GRK4: variants seen among roughly 807,000 people sequenced by gnomAD.
GRK4 encodes G protein-coupled receptor kinase 4.
In GRK4, 73 loss-of-function variants were observed where a neutral mutation model predicts 77.9. The observed-to-expected ratio is 0.94, with a 90% CI of 0.78 to 1.14. The LOEUF (loss-of-function observed/expected upper bound fraction) is 1.14, where lower values mean the gene tolerates loss of function less well. Ranked by LOEUF, GRK4 falls within the 50% of genes most tolerant of loss-of-function variation. The pLI is 0.00. For missense variants in GRK4, 729 were observed against 700.2 expected, an observed-to-expected ratio of 1.04 and a Z score of -0.46; for synonymous variants, 257 against 254.4, an observed-to-expected ratio of 1.01 and a Z score of -0.10.
At chr4:2,965,659 C>T (rs960098186) in intron 1 of GRK4, 2 of 583,202 alleles carry the variant, frequency 3.4e-6, no homozygotes, top group Admixed American at 6.0e-5. Context: ...GGGCAAAACA[C>T]AGCAAGACCA....
At chr4:3,012,822 CTT>C (rs1560454022) in intron 7 of GRK4, among the ~76,000 whole-genome samples, 1 of 152,048 alleles carries the variant, frequency 6.6e-6, no homozygotes, top group African/African-American at 2.4e-5. Context: ...TCCTTATACT[CTT>C]GACATTTTAA....
At chr4:2,987,048 T>C in intron 2 of GRK4, 1 of 479,164 alleles carries the variant, frequency 2.1e-6, no homozygotes, top group Non-Finnish European at 4.1e-6. Context: ...ATCACCACAG[T>C]CAATTTGACA....
At chr4:3,034,614 T>A (rs1258544483) in intron 12 of GRK4, among the ~76,000 whole-genome samples, 1 of 152,172 alleles carries the variant, frequency 6.6e-6, no homozygotes, top group Non-Finnish European at 1.5e-5. Flanking sequence ...TTTGTGATGA[T>A]GGTAAATATG....
chr4:3,002,815 T>G (rs1399565445), intron 4 of GRK4, among the ~76,000 whole-genome samples: 1 of 152,146 alleles, frequency 6.6e-6, no homozygotes, highest in East Asian at 1.9e-4. Flanking sequence ...GCCGAGATTT[T>G]CTGTCTCCAA....
chr4:3,023,773 A>G (rs962457218), intron 10 of GRK4, among the ~76,000 whole-genome samples: 3 of 152,184 alleles, frequency 2.0e-5, no homozygotes, highest in African/African-American at 7.2e-5. Context: ...GGGTAGGTAG[A>G]ACGTGCTCTG....
intron 4 of GRK4, among the ~76,000 whole-genome samples, chr4:3,003,878 C>T (rs1176623136): frequency 2.0e-5 from 3 of 152,062 alleles, no homozygotes; most frequent in Admixed American, 6.6e-5. Flanking sequence ...CTACCTACCA[C>T]GCCTGGCTAA....
At chr4:2,990,526 G>C (rs2109656924) in intron 3 of GRK4, among the ~76,000 whole-genome samples, 1 of 152,210 alleles carries the variant, frequency 6.6e-6, no homozygotes, top group East Asian at 1.9e-4. Context: ...CAAAGTGCTA[G>C]GATTACAGGC....
chr4:3,026,069 G>A (rs140094834), intron 10 of GRK4, among the ~76,000 whole-genome samples: 85 of 152,336 alleles, frequency 5.6e-4, no homozygotes, highest in Non-Finnish European at 1.1e-3. Flanking sequence ...TGCTGTTTCC[G>A]TTGGTGCCGC....
chr4:2,991,064 C>G (rs1161216001), intron 3 of GRK4, among the ~76,000 whole-genome samples: 2 of 152,182 alleles, frequency 1.3e-5, no homozygotes, highest in African/African-American at 4.8e-5. Flanking sequence ...AACCAGAGAA[C>G]TAGAACCCAT....
At chr4:3,021,467 C>T (rs1560475332) in intron 9 of GRK4, among the ~76,000 whole-genome samples, 1 of 152,150 alleles carries the variant, frequency 6.6e-6, no homozygotes, top group Non-Finnish European at 1.5e-5. Context: ...TCTGATGGAC[C>T]TTTGGCTTCT....
chr4:3,040,477 C>T, intron 15 of GRK4, 95 bp from the exon 16 acceptor site: 6 of 862,018 alleles, frequency 7.0e-6, no homozygotes, highest in Non-Finnish European at 1.1e-5. Flanking sequence ...AAAAAAGCAC[C>T]CCCCACCCAA....
intron 1 of GRK4, among the ~76,000 whole-genome samples, chr4:2,983,045 G>T (rs886711647): frequency 6.6e-6 from 1 of 152,352 alleles, no homozygotes; most frequent in African/African-American, 2.4e-5. Flanking sequence ...TGAGTCCAGA[G>T]CTCATGATCT....
In GRK4 at chr4:3,033,927, G is replaced by A. The variant is rs559660564; in HGVS notation, c.1270-1459G>A. Among the ~76,000 whole-genome samples the A allele has an allele frequency of 5.9e-5, 9 of 152,282 alleles. No homozygotes were observed. The South Asian group carries it at 6.2e-4, about 11-fold the overall frequency. ...TTAACAAAGCATGCAAAGAATAAAC[G>A]CATTGAGCAACTGTTACTGAGCGCC... On this transcript the variant is annotated intron_variant, in intron 12 of 15. Transcript: ENST00000398052.
Position 2,981,222 on chromosome 4 carries a change from C to T in GRK4, c.53-3291C>T, listed in dbSNP as rs113510686. ...CAGCTCTTATCTCCTCTCTTCTCTC[C>T]TTCTCATCACCCACAACGTGGTGAG... On this transcript the variant is annotated intron_variant, in intron 1 of 15. Coordinates refer to ENST00000398052, the MANE Select transcript of GRK4 (RefSeq NM_182982.3). 5.5e-3 allele frequency among the ~76,000 whole-genome samples: 841 copies of T among 152,312 alleles called. 4 individuals are homozygous for T. The highest frequency in any genetic ancestry group is 0.019 in the African/African-American group (795 of 41,590).
chr4:2,968,661 G>T (rs1052887504), intron 1 of GRK4, among the ~76,000 whole-genome samples: 1 of 152,122 alleles, frequency 6.6e-6, no homozygotes, highest in Non-Finnish European at 1.5e-5. Flanking sequence ...AGGCAGTCTT[G>T]AGGCACATAA....
rs67664476 is a variant in GRK4, at chr4:2,988,075, C to CAAAAAAAAAAA, written c.149-638_149-628dup. ...TGGATGACAGAGTGAGGCTCTGTCT[C>CAAAAAAAAAAA]AAAAAAAAAAAAAAAAAAAAAAAAG... On this transcript the variant is annotated intron_variant, in intron 2 of 15. Transcript: ENST00000398052. Among the ~76,000 whole-genome samples the CAAAAAAAAAAA allele has an allele frequency of 1.8e-3, 61 of 33,640 alleles. 1 individual carries two copies. Among genetic ancestry groups the CAAAAAAAAAAA allele is most frequent in the African/African-American group, 3.1e-3 (27 of 8,684 alleles). 22.1% of individuals were successfully genotyped at this position (33,640 alleles called of 152,430 possible).
chr4:3,029,489 A>T, intron 12 of GRK4, 80 bp downstream of exon 12: 9 of 1,290,508 alleles, frequency 7.0e-6, no homozygotes, highest in Non-Finnish European at 9.9e-6. Flanking sequence ...ATAACAAAAA[A>T]AATTGGTCTG....
At chr4:3,040,466 T>G in intron 15 of GRK4, 106 bp from the exon 16 acceptor site, 1 of 765,494 alleles carries the variant, frequency 1.3e-6, no homozygotes, top group Non-Finnish European at 2.1e-6. Flanking sequence ...AAATAAAAAA[T>G]AAAAAAGCAC....
intron 12 of GRK4, among the ~76,000 whole-genome samples, chr4:3,034,901 A>C (rs2110079812): frequency 6.6e-6 from 1 of 152,164 alleles, no homozygotes; most frequent in South Asian, 2.1e-4. Flanking sequence ...TCCTTTGTGA[A>C]GTGTCATATA....
Sources: allele counts gnomAD v4.1 joint callset (sites outside exome capture counted in the v4.1 genomes callset), GRCh38; gene constraint gnomAD v4.1.1; transcripts MANE v1.5; gene names NCBI Gene and HGNC (gene_info 2026-07-23, HGNC 2026-07-21).